Variants in RABGAP1L observed in about 807,000 individuals in gnomAD.
RABGAP1L encodes the protein RAB GTPase activating protein 1 like.
Under a neutral mutation model 137.7 loss-of-function variants are expected in RABGAP1L, and 63 were observed. The ratio of observed to expected loss-of-function variants is 0.46; its 90% CI spans 0.37 to 0.56. RABGAP1L has a LOEUF of 0.56. RABGAP1L is among the 20% of genes least tolerant of loss of function. The pLI is 0.00. For missense variants in RABGAP1L, 1,095 were observed against 1,244.0 expected (o/e 0.88, Z 1.80); for synonymous variants, 431 against 433.7 (o/e 0.99, Z 0.08).
At position 174,991,828 on chromosome 1, in the gene RABGAP1L, G is replaced by A. The variant is rs947314719; in HGVS notation, c.*1827G>A. The A allele has an allele frequency of 2.1e-4, 31 of 145,714 alleles. No homozygotes were observed. The highest frequency in any genetic ancestry group is 9.0e-4 in the Admixed American group (13 of 14,464). 9.0% of individuals were successfully genotyped at this position (145,714 alleles called of 1,614,324 possible). A position where few individuals can be genotyped will look rare whatever the true frequency, so the allele number is the denominator to read the frequency against. On this transcript the variant is annotated 3_prime_UTR_variant, in exon 26 of 26. Transcript: ENST00000681986. ...AATAGCTAGAAAATGTTATCTTGGC[G>A]CTTGTTTTTGTAAATCATTTAGTAT...
intron 13 of RABGAP1L, among the ~76,000 whole-genome samples, chr1:174,621,003 A>C (rs1672400745): frequency 1.3e-5 from 2 of 152,334 alleles, no homozygotes; most frequent in South Asian, 4.1e-4. Flanking sequence ...AATACTACAA[A>C]TACCTCTACA....
chr1:174,766,216 C>G (rs962356617), intron 18 of RABGAP1L, among the ~76,000 whole-genome samples: 2 of 152,196 alleles, frequency 1.3e-5, no homozygotes, highest in African/African-American at 2.4e-5. Context: ...GCCTCCAGAA[C>G]TGTGAGAAAA....
Position 174,419,059 on chromosome 1 carries a change from A to T in RABGAP1L, c.1710+24914A>T, listed in dbSNP as rs1315492611. Among the ~76,000 whole-genome samples the T allele has an allele frequency of 2.6e-5, 4 of 152,164 alleles. No homozygotes were observed. The East Asian group carries it at 7.7e-4, about 29-fold the overall frequency. On this transcript the variant is annotated intron_variant, in intron 13 of 25. Transcript: ENST00000681986. ...TCTCTAAATAAATAAATTAATTAAGAATACAATATAAGGTACCAATTCCAT... is the reference window on the plus strand; with the variant it reads ...TCTCTAAATAAATAAATTAATTAAGTATACAATATAAGGTACCAATTCCAT...
At chr1:174,581,949 C>T (rs1382961017) in intron 13 of RABGAP1L, among the ~76,000 whole-genome samples, 1 of 152,098 alleles carries the variant, frequency 6.6e-6, no homozygotes, top group Non-Finnish European at 1.5e-5. Flanking sequence ...GTGCCATTAC[C>T]ACAGTGGGGT....
At chr1:174,405,626 A>G (rs985440213) in intron 13 of RABGAP1L, among the ~76,000 whole-genome samples, 1 of 152,226 alleles carries the variant, frequency 6.6e-6, no homozygotes, top group African/African-American at 2.4e-5. Context: ...AAGAGTACTC[A>G]TTGTGTTGTA....
At chr1:174,266,749 G>A (rs1408466436) in intron 7 of RABGAP1L, among the ~76,000 whole-genome samples, 1 of 152,042 alleles carries the variant, frequency 6.6e-6, no homozygotes. Flanking sequence ...TTTGTCTCTG[G>A]TAATAAATCC....
At chr1:174,677,703 C>G (rs570917210) in intron 14 of RABGAP1L, among the ~76,000 whole-genome samples, 1 of 152,304 alleles carries the variant, frequency 6.6e-6, no homozygotes, top group African/African-American at 2.4e-5. Context: ...TACCACCCCA[C>G]TCACCTATCA....
intron 13 of RABGAP1L, among the ~76,000 whole-genome samples, chr1:174,509,732 C>T (rs1379015332): frequency 6.6e-6 from 1 of 152,156 alleles, no homozygotes; most frequent in Non-Finnish European, 1.5e-5. Flanking sequence ...AATGTAATGA[C>T]ATCTTAAACT....
intron 13 of RABGAP1L, among the ~76,000 whole-genome samples, chr1:174,395,210 T>A (rs942686756): frequency 6.6e-5 from 10 of 152,108 alleles, no homozygotes; most frequent in Non-Finnish European, 1.2e-4. Flanking sequence ...TTACACACTT[T>A]GGAGGAATAA....
chr1:174,606,265 T>C (rs1422735349), intron 13 of RABGAP1L, among the ~76,000 whole-genome samples: 2 of 152,146 alleles, frequency 1.3e-5, no homozygotes, highest in Non-Finnish European at 1.5e-5. Context: ...GTTAATTGTT[T>C]AAAATATGCA....
chr1:174,576,629 A>G (rs1668394082), intron 13 of RABGAP1L, among the ~76,000 whole-genome samples: 2 of 152,170 alleles, frequency 1.3e-5, no homozygotes, highest in South Asian at 2.1e-4. Flanking sequence ...CTCCCTACAT[A>G]TATTTATAAC....
chr1:174,232,094 C>T lies in RABGAP1L; in HGVS notation c.542+739C>T, dbSNP rs185400259. Among the ~76,000 whole-genome samples the T allele has an allele frequency of 3.3e-4, 50 of 152,312 alleles. No homozygotes were observed. In the East Asian group the frequency reaches 9.1e-3, roughly 28 times the overall value. On this transcript the variant is annotated intron_variant, in intron 4 of 25. Transcript: ENST00000681986. ...CTGAAGTAATAGTGGTTGAAAGAAA[C>T]TGGAGTGAGCCATAGATTTTAAGTT... is the stretch of plus-strand genomic sequence containing the variant.
chr1:174,489,056 T>C (rs1325115970), intron 13 of RABGAP1L, among the ~76,000 whole-genome samples: 1 of 151,934 alleles, frequency 6.6e-6, no homozygotes, highest in Non-Finnish European at 1.5e-5. Context: ...CTCAGAATGA[T>C]GGTTTCTAGC....
At chr1:174,803,503 C>T (rs1688953369) in intron 18 of RABGAP1L, among the ~76,000 whole-genome samples, 2 of 152,056 alleles carry the variant, frequency 1.3e-5, no homozygotes, top group African/African-American at 2.4e-5. Context: ...ATTCTCAGAC[C>T]TCCAGAAATT....
intron 3 of RABGAP1L, among the ~76,000 whole-genome samples, chr1:174,225,265 G>A (rs1324954337): frequency 4.0e-5 from 6 of 151,284 alleles, no homozygotes; most frequent in Non-Finnish European, 8.9e-5. Context: ...AAGTTTTTTT[G>A]TTTCTCTGTG....
rs1157182512 is a variant in RABGAP1L at position 174,994,415 on chromosome 1, C to T, written c.*4414C>T. ...TATAAAAACATTTCATTAATATATC[C>T]CATTCTTCCTACCTCCATCTCTGGT... is the stretch of plus-strand genomic sequence containing the variant. On this transcript the variant is annotated 3_prime_UTR_variant, in exon 26 of 26. Coordinates refer to ENST00000681986, the MANE Select transcript of RABGAP1L (RefSeq NM_001366446.1). 6.6e-6 allele frequency: 1 copy of T among 152,148 alleles called. No homozygotes were observed. The highest frequency in any genetic ancestry group is 2.4e-5 in the African/African-American group (1 of 41,428). 9.4% of individuals were successfully genotyped at this position (152,148 alleles called of 1,614,324 possible). A position where few individuals can be genotyped will look rare whatever the true frequency, so the allele number is the denominator to read the frequency against.
At chr1:174,195,839 C>CT (rs541907684) in intron 1 of RABGAP1L, among the ~76,000 whole-genome samples, 17,400 of 89,348 alleles carry the variant, frequency 0.19, 1,658 homozygotes, top group Middle Eastern at 0.24. Flanking sequence ...CCTTCTTCTT[C>CT]TTTTTTTTTT....
At chr1:174,577,873 A>G (rs943366774) in intron 13 of RABGAP1L, among the ~76,000 whole-genome samples, 2 of 152,224 alleles carry the variant, frequency 1.3e-5, no homozygotes, top group African/African-American at 4.8e-5. Flanking sequence ...GGAGTTACAA[A>G]TGGGCTTATA....
At chr1:174,181,136 A>G (rs1007711785) in intron 1 of RABGAP1L, among the ~76,000 whole-genome samples, 43 of 152,174 alleles carry the variant, frequency 2.8e-4, no homozygotes, top group African/African-American at 9.4e-4. Flanking sequence ...CTTAGGATGT[A>G]TATAGGTTAT....
Sources: gnomAD v4.1 joint callset for allele counts (sites outside exome capture counted in the v4.1 genomes callset) on GRCh38, gnomAD v4.1.1 for gene constraint, MANE v1.5 for transcripts, NCBI Gene and HGNC (gene_info 2026-07-23, HGNC 2026-07-21) for gene names.